Variants in MSS51 observed in about 807,000 individuals in gnomAD.
The protein encoded by MSS51 is MSS51 mitochondrial translational activator.
MSS51 carries 32 observed loss-of-function variants against 40.2 expected under a neutral mutation model. That is an observed-to-expected ratio of 0.80 (90% CI 0.60 to 1.07). The LOEUF (loss-of-function observed/expected upper bound fraction) is 1.07. MSS51 is among the 50% of genes least tolerant of loss of function. The probability of loss-of-function intolerance (pLI) is 0.00; values close to 1 mark genes in which losing one functional copy is unlikely to be tolerated. For synonymous variants in MSS51, 178 were observed against 214.2 expected (o/e 0.83, Z 1.48); for missense variants, 518 against 568.9 (o/e 0.91, Z 0.91).
chr10:73,427,794 T>C (rs372961817), intron 2 of MSS51, 26 bp from the exon 3 acceptor site: 33 of 1,610,396 alleles, frequency 2.0e-5, no homozygotes, highest in Admixed American at 3.3e-5. Context: ...GGAGAAGGAA[T>C]GACAATGGGG....
chr10:73,425,981 A>G lies in MSS51; in HGVS notation c.899T>C (p.Met300Thr), dbSNP rs759527388. 2.5e-6 allele frequency: 4 copies of G among 1,614,196 alleles called. No individual in the cohort carries two copies. The highest frequency in any genetic ancestry group is 2.2e-5 in the East Asian group (1 of 44,892). Residue 300 changes from methionine to threonine, a missense_variant, in exon 5 of 7, where the codon ATG becomes ACG. Coordinates refer to ENST00000299432, the MANE Select transcript of MSS51 (RefSeq NM_001024593.2). ...GCCAGTAGCTACATCTACACCCACC[A>G]TGACCACACGGAGTCCAAGGTGCCC... ...FPGHLGLRVVMVGVDVATGFS... is the reference protein window; with the variant it reads ...FPGHLGLRVVTVGVDVATGFS...
chr10:73,429,225 G>T (rs1256891499), intron 1 of MSS51, among the ~76,000 whole-genome samples: 9 of 152,132 alleles, frequency 5.9e-5, no homozygotes, highest in South Asian at 2.1e-4. Context: ...AAGAAAACTG[G>T]TAACAGTGAT....
At chr10:73,425,624 T>C (rs1049260009) in intron 5 of MSS51, among the ~76,000 whole-genome samples, 187 bp downstream of exon 5, 2 of 141,804 alleles carry the variant, frequency 1.4e-5, no homozygotes, top group Non-Finnish European at 3.0e-5. Context: ...ATCGCGCCAC[T>C]GCACTCCAGC....
At chr10:73,433,476 T>C (rs557447232) in intron 1 of MSS51, 37 bp downstream of exon 1, 1 of 152,234 alleles carries the variant, frequency 6.6e-6, no homozygotes, top group Admixed American at 6.5e-5. Context: ...AATTATAAAC[T>C]AAGCAAGCAG....
chr10:73,428,159 A>G lies in MSS51; in HGVS notation c.126T>C (p.Ile42=). Residue 42 remains isoleucine (I), a synonymous_variant, in exon 2 of 7, where the codon ATT becomes ATC. Coordinates refer to ENST00000299432, the MANE Select transcript of MSS51 (RefSeq NM_001024593.2). ...CCAAGGAGAAGAAGCCAAGTGTGTC[A>G]ATGCTAGGGCCAGGTTTTGAGGGGG... ...PLTPSKPGPS[I]DTLGFFSLDD... 6.2e-7 allele frequency: 1 copy of G among 1,614,118 alleles called. No individual in the cohort carries two copies. Among genetic ancestry groups the G allele is most frequent in the Non-Finnish European group, 8.5e-7 (1 of 1,180,016 alleles).
Position 73,427,642 on chromosome 10 carries a change from T to A in MSS51, c.348A>T (p.Ser116=), listed in dbSNP as rs374885512. The A allele has an allele frequency of 8.7e-6, 14 of 1,613,206 alleles. No individual in the cohort carries two copies. The African/African-American group carries it at 1.5e-4, about 17-fold the overall frequency. ...TACAGTGCCGGAGAACCTTGGAGTC[T>A]GAAAGCCCACTAGGGAGTGCTCTAC... ...AHCRALPSGL[S]DSKVLRHCKR... The change falls in exon 3 of 7, where the codon TCA becomes TCT. Residue 116 remains serine (S), a synonymous_variant. Transcript: ENST00000299432.
Position 73,423,977 on chromosome 10 carries a change from A to C in MSS51, c.*576T>G, listed in dbSNP as rs2055962442. On this transcript the variant is annotated 3_prime_UTR_variant, in exon 7 of 7. Coordinates refer to ENST00000299432, the MANE Select transcript of MSS51 (RefSeq NM_001024593.2). ...TCAAAAGGTAAACTTCTTTACAAAGAAAAGTGTTAGCAACTATAAGCTCTG... is the reference window on the plus strand; with the variant it reads ...TCAAAAGGTAAACTTCTTTACAAAGCAAAGTGTTAGCAACTATAAGCTCTG... 1 of 152,468 alleles carries C rather than the reference A, an allele frequency of 6.6e-6. No homozygotes were observed. Among genetic ancestry groups the C allele is most frequent in the Admixed American group, 6.5e-5 (1 of 15,308 alleles). 9.4% of individuals were successfully genotyped at this position (152,468 alleles called of 1,614,324 possible).
intron 1 of MSS51, among the ~76,000 whole-genome samples, chr10:73,431,612 TA>T (rs2056029762): frequency 6.6e-6 from 1 of 152,208 alleles, no homozygotes; most frequent in South Asian, 2.1e-4. Context: ...ACATGACTCT[TA>T]AAAACCTGTC....
chr10:73,425,798 C>T lies in MSS51; in HGVS notation c.1069+13G>A. The stretch of plus-strand genomic sequence containing the variant: ...GGAGCCACCCTCTATTCCCCTGAAC[C>T]AATGACTCTTACCTGGATGGAATGC... On this transcript the variant is annotated intron_variant, in intron 5 of 6. Transcript: ENST00000299432. 2 of 1,601,888 alleles carry T rather than the reference C, an allele frequency of 1.2e-6. No homozygotes were observed. Among genetic ancestry groups the T allele is most frequent in the Non-Finnish European group, 1.7e-6 (2 of 1,173,012 alleles).
At chr10:73,425,637 G>A (rs2055977523) in intron 5 of MSS51, among the ~76,000 whole-genome samples, 174 bp downstream of exon 5, 1 of 150,420 alleles carries the variant, frequency 6.6e-6, no homozygotes, top group Non-Finnish European at 1.5e-5. Flanking sequence ...ACTCCAGCCT[G>A]GGCGACAGAG....
In MSS51 at chr10:73,427,678, G is replaced by T; in HGVS notation, c.312C>A (p.Phe104Leu). 6.2e-7 allele frequency: 1 copy of T among 1,614,188 alleles called. No homozygotes were observed. The highest frequency in any genetic ancestry group is 8.5e-7 in the Non-Finnish European group (1 of 1,179,988). Residue 104 changes from phenylalanine to leucine, a missense_variant, in exon 3 of 7, where the codon TTC becomes TTA. Coordinates refer to ENST00000299432, the MANE Select transcript of MSS51 (RefSeq NM_001024593.2). Reference sequence around the variant, plus strand: ...TAGGGAGTGCTCTACAGTGAGCACAGAATCGAAATGTGTCTTCCATCCTCT... The same window carrying T: ...TAGGGAGTGCTCTACAGTGAGCACATAATCGAAATGTGTCTTCCATCCTCT... ...MFQRMEDTFR[F>L]CAHCRALPSG...
At position 73,426,322 on chromosome 10, in the gene MSS51, G is replaced by C. The variant is rs777080540; in HGVS notation, c.558C>G (p.Asp186Glu). 3.0e-5 allele frequency: 48 copies of C among 1,604,352 alleles called. No homozygotes were observed. The highest frequency in any genetic ancestry group is 3.9e-5 in the Non-Finnish European group (46 of 1,179,826). Residue 186 changes from aspartate (D) to glutamate (E), a missense_variant, in exon 5 of 7, where the codon GAC becomes GAG. Physicochemically the swap from Asp to Glu is conservative, Grantham distance 45. Coordinates refer to ENST00000299432, the MANE Select transcript of MSS51 (RefSeq NM_001024593.2). ...CCTTCATAGAAAACCAGGAGTCCCA[G>C]TCCTGTACAGCTTCAGGTGGCCATG... Reference protein sequence around the residue: ...PWPWPPEAVQDWDSWFSMKGL... With the variant: ...PWPWPPEAVQEWDSWFSMKGL...
chr10:73,425,880 C>T lies in MSS51; in HGVS notation c.1000G>A (p.Asp334Asn). ...QLSAHRGLYHDFWEEQVETGQ... is the reference protein window; with the variant it reads ...QLSAHRGLYHNFWEEQVETGQ... ...GTCTCTACTTGCTCCTCCCAGAAGT[C>T]ATGGTAGAGGCCCCTGTGGGCACTA... Residue 334 changes from aspartate (D) to asparagine (N), a missense_variant, in exon 5 of 7, where the codon GAC (aspartate) becomes AAC (asparagine). Coordinates refer to ENST00000299432, the MANE Select transcript of MSS51 (RefSeq NM_001024593.2). 8.1e-6 allele frequency: 13 copies of T among 1,614,100 alleles called. No individual in the cohort carries two copies. Among genetic ancestry groups the T allele is most frequent in the Non-Finnish European group, 1.1e-5 (13 of 1,180,032 alleles).
intron 6 of MSS51, 141 bp from the exon 7 acceptor site, chr10:73,424,913 C>T: frequency 5.0e-6 from 4 of 794,184 alleles, no homozygotes; most frequent in Non-Finnish European, 6.2e-6. Context: ...TCTTTCCCTC[C>T]CAAATGTCTC....
chr10:73,425,275 C>T (rs556914167), intron 5 of MSS51, 84 bp from the exon 6 acceptor site: 3 of 785,638 alleles, frequency 3.8e-6, no homozygotes, highest in African/African-American at 3.5e-5. Flanking sequence ...GTGAGCACCC[C>T]ACCCCTCACC....
chr10:73,432,739 A>G (rs779947253), intron 1 of MSS51, among the ~76,000 whole-genome samples: 10 of 152,190 alleles, frequency 6.6e-5, no homozygotes, highest in Admixed American at 1.3e-4. Flanking sequence ...GAAAAGAAAG[A>G]AGGTGGGTGA....
chr10:73,425,386 G>A (rs1418567010), intron 5 of MSS51, among the ~76,000 whole-genome samples, 195 bp from the exon 6 acceptor site: 1 of 152,024 alleles, frequency 6.6e-6, no homozygotes, highest in Non-Finnish European at 1.5e-5. Flanking sequence ...AAGAAAAGTT[G>A]TCATCAGGCT....
intron 6 of MSS51, 147 bp from the exon 7 acceptor site, chr10:73,424,919 G>T (rs1264921344): frequency 3.8e-6 from 3 of 797,166 alleles, no homozygotes; most frequent in Non-Finnish European, 6.2e-6. Context: ...CCTCCCAAAT[G>T]TCTCATTAAA....
intron 3 of MSS51, 69 bp from the exon 4 acceptor site, chr10:73,426,800 G>T: frequency 6.4e-7 from 1 of 1,556,852 alleles, no homozygotes; most frequent in Non-Finnish European, 8.8e-7. Context: ...GAAAGGAACT[G>T]ATATTCCTGC....
Sources: gnomAD v4.1 joint callset for allele counts (sites outside exome capture counted in the v4.1 genomes callset) on GRCh38, gnomAD v4.1.1 for gene constraint, MANE v1.5 for transcripts, NCBI Gene and HGNC (gene_info 2026-07-23, HGNC 2026-07-21) for gene names.